NELL1: variants seen among roughly 807,000 people sequenced by gnomAD.
NELL1 encodes the protein neural EGFL like 1, also known as protein kinase C-binding protein NELL1.
Under a neutral mutation model 107.4 loss-of-function variants are expected in NELL1, and 76 were observed. The ratio of observed to expected loss-of-function variants is 0.71; its 90% CI spans 0.59 to 0.86. The LOEUF (loss-of-function observed/expected upper bound fraction) is 0.86. Among genes scored for constraint, NELL1 ranks in the 40% least tolerant of loss-of-function variants. The pLI is 0.00. For missense variants in NELL1, 1,024 were observed against 1,005.5 expected (o/e 1.02, Z -0.25); for synonymous variants, 353 against 341.2 (o/e 1.03, Z -0.38).
rs76788502 is a variant in NELL1, at chr11:20,806,204, C to G, written c.335+22374C>G. On this transcript the variant is annotated intron_variant, in intron 3 of 19. Transcript: ENST00000357134. The stretch of plus-strand genomic sequence containing the variant: ...CAGTTCTGGTGCTTATGAAGTCCCT[C>G]AGTGTTTATCTGGGAAAGCCATTAT... Among the ~76,000 whole-genome samples, 1,240 of 151,190 alleles carry G rather than the reference C, an allele frequency of 8.2e-3. 15 individuals are homozygous for G. The highest frequency in any genetic ancestry group is 0.029 in the African/African-American group (1,177 of 41,096).
rs1237241848 is a variant in NELL1 at position 21,374,877 on chromosome 11, C to CTGTGTGTGTGTGTG, written c.1645+3938_1645+3939insGTGTGTGTGTGTGT. Among the ~76,000 whole-genome samples, 5 of 89,894 alleles carry CTGTGTGTGTGTGTG rather than the reference C, an allele frequency of 5.6e-5. No homozygotes were observed. In the South Asian group the frequency reaches 2.1e-3, roughly 38 times the overall value. 59.0% of individuals were successfully genotyped at this position (89,894 alleles called of 152,430 possible). Reference sequence around the variant, plus strand: ...CAGCTACCAGGCTGTGTGGAACTGACTGTGTGTGTCTGTGTGTGTGTGTGT... The same window carrying CTGTGTGTGTGTGTG: ...CAGCTACCAGGCTGTGTGGAACTGACTGTGTGTGTGTGTGTGTGTGTGTCTGTGTGTGTGTGTGT... On this transcript the variant is annotated intron_variant, in intron 15 of 19. Transcript: ENST00000357134.
intron 14 of NELL1, among the ~76,000 whole-genome samples, chr11:21,254,258 A>G (rs1170733988): frequency 1.3e-5 from 2 of 152,122 alleles, no homozygotes; most frequent in Non-Finnish European, 2.9e-5. Context: ...TATGTTAAGT[A>G]TAAGACTAAT....
chr11:21,403,459 AAAGGTGCTCAAACAACGTTATG>A (rs1852146647), intron 15 of NELL1, among the ~76,000 whole-genome samples: 1 of 151,792 alleles, frequency 6.6e-6, no homozygotes, highest in Non-Finnish European at 1.5e-5. Flanking sequence ...ACAGCTAGAT[AAAGGTGCTCAAACAACGTTATG>A]ACCCTGTCTT....
In NELL1 at chr11:21,326,847, G is replaced by T. The variant is rs950681839; in HGVS notation, c.1550-44006G>T. 9.2e-5 allele frequency among the ~76,000 whole-genome samples: 14 copies of T among 151,644 alleles called. 1 individual carries two copies. The highest frequency in any genetic ancestry group is 3.4e-4 in the African/African-American group (14 of 41,284). On this transcript the variant is annotated intron_variant, in intron 14 of 19. Transcript: ENST00000357134. Reference sequence around the variant, plus strand: ...ACTGAATATCTCTGTCTTATGATTGGATGGTTAATCTATTTGCATTTAATG... The same window carrying T: ...ACTGAATATCTCTGTCTTATGATTGTATGGTTAATCTATTTGCATTTAATG...
At chr11:21,119,752 G>C (rs1249473775) in intron 13 of NELL1, among the ~76,000 whole-genome samples, 1 of 152,054 alleles carries the variant, frequency 6.6e-6, no homozygotes, top group African/African-American at 2.4e-5. Flanking sequence ...GTGTTACAGG[G>C]AGGAGGGGTT....
At position 21,307,355 on chromosome 11, in the gene NELL1, T is replaced by C. The variant is rs137967461; in HGVS notation, c.1550-63498T>C. The stretch of plus-strand genomic sequence containing the variant: ...GTTTGTGTGTGTGTGTGTATGTTTT[T>C]GTACATGTGTATTGATAAGATAAAA... On this transcript the variant is annotated intron_variant, in intron 14 of 19. Transcript: ENST00000357134. Among the ~76,000 whole-genome samples, 44 of 151,998 alleles carry C rather than the reference T, an allele frequency of 2.9e-4. No homozygotes were observed. In the East Asian group the frequency reaches 8.1e-3, roughly 28 times the overall value.
In NELL1 at chr11:20,783,699, T is replaced by C. The variant is rs532651303; in HGVS notation, c.204T>C (p.His68=). The C allele has an allele frequency of 1.2e-4, 197 of 1,613,690 alleles. 4 individuals carry two copies. In the South Asian group the frequency reaches 2.1e-3, roughly 17 times the overall value. ...FLFQDIEREI[H]AAPHVSEKLI... is the part of the protein sequence containing the mutation. Reference sequence around the variant, plus strand: ...TCCTAGACATAGAAAGAGAGATCCATGCAGCTCCTCATGTGAGTGAGAAAT... The same window carrying C: ...TCCTAGACATAGAAAGAGAGATCCACGCAGCTCCTCATGTGAGTGAGAAAT... The change falls in exon 3 of 20, where the codon CAT becomes CAC. Residue 68 remains histidine, a synonymous_variant. Coordinates refer to ENST00000357134, the MANE Select transcript of NELL1 (RefSeq NM_006157.5).
At chr11:21,119,239 C>G (rs912548908) in intron 13 of NELL1, among the ~76,000 whole-genome samples, 1 of 151,922 alleles carries the variant, frequency 6.6e-6, no homozygotes, top group Admixed American at 6.6e-5. Flanking sequence ...CCAAACTAGT[C>G]TTTCCCAATT....
At chr11:20,948,282 G>A (rs965328381) in intron 11 of NELL1, among the ~76,000 whole-genome samples, 4 of 151,788 alleles carry the variant, frequency 2.6e-5, no homozygotes, top group Non-Finnish European at 4.4e-5. Context: ...TGAACTCTTG[G>A]CCTCAAGCAA....
chr11:21,075,642 A>G (rs1854116920), intron 12 of NELL1, among the ~76,000 whole-genome samples: 1 of 152,106 alleles, frequency 6.6e-6, no homozygotes, highest in East Asian at 1.9e-4. Flanking sequence ...ATGGGGTTCC[A>G]TTATGTTTGC....
intron 9 of NELL1, among the ~76,000 whole-genome samples, chr11:20,933,118 C>T (rs1850652003): frequency 1.3e-5 from 2 of 152,162 alleles, no homozygotes; most frequent in South Asian, 4.1e-4. Flanking sequence ...CAAAGATGTG[C>T]TTTTAGAAAG....
chr11:20,695,750 T>C (rs1188390917), intron 2 of NELL1, among the ~76,000 whole-genome samples: 1 of 152,072 alleles, frequency 6.6e-6, no homozygotes, highest in East Asian at 1.9e-4. Context: ...TTTTTCATTG[T>C]GTCTTTGTTT....
chr11:21,568,953 T>C (rs1283518284), intron 17 of NELL1, among the ~76,000 whole-genome samples: 2 of 151,736 alleles, frequency 1.3e-5, no homozygotes, highest in East Asian at 3.9e-4. Context: ...ACCAGTAACC[T>C]AGCCATTTAT....
intron 2 of NELL1, among the ~76,000 whole-genome samples, chr11:20,780,974 T>C (rs1262490753): frequency 6.6e-6 from 1 of 152,104 alleles, no homozygotes; most frequent in Non-Finnish European, 1.5e-5. Context: ...TGGGAAGCCA[T>C]TGGAGGATTT....
chr11:21,505,298 A>C (rs1262258736), intron 15 of NELL1, among the ~76,000 whole-genome samples: 1 of 152,156 alleles, frequency 6.6e-6, no homozygotes, highest in Non-Finnish European at 1.5e-5. Context: ...CTAATCTATA[A>C]ATTTATCAAA....
chr11:20,670,221 G>A (rs1853864870), intron 1 of NELL1, among the ~76,000 whole-genome samples: 1 of 152,050 alleles, frequency 6.6e-6, no homozygotes, highest in South Asian at 2.1e-4. Context: ...AGCGCTTCCG[G>A]CTGGCGGGCG....
chr11:21,151,029 G>A (rs1454609725), intron 13 of NELL1, among the ~76,000 whole-genome samples: 1 of 152,108 alleles, frequency 6.6e-6, no homozygotes, highest in Non-Finnish European at 1.5e-5. Context: ...TCACTATCAT[G>A]AAATCAGCAA....
intron 12 of NELL1, among the ~76,000 whole-genome samples, chr11:20,979,042 A>G (rs1163575874): frequency 6.6e-6 from 1 of 152,192 alleles, no homozygotes; most frequent in Non-Finnish European, 1.5e-5. Flanking sequence ...AAGGGTTTAA[A>G]TTAAAGGATT....
At position 21,175,858 on chromosome 11, in the gene NELL1, C is replaced by T. The variant is rs528616837; in HGVS notation, c.1427-53474C>T. On this transcript the variant is annotated intron_variant, in intron 13 of 19. Coordinates refer to ENST00000357134, the MANE Select transcript of NELL1 (RefSeq NM_006157.5). The stretch of plus-strand genomic sequence containing the variant: ...CAATGAAAAAGTTGAGGCTTTGTGC[C>T]GTCCAATTTTGCCTTACAATGTGGG... Among the ~76,000 whole-genome samples, 16 of 151,906 alleles carry T rather than the reference C, an allele frequency of 1.1e-4. No individual in the cohort carries two copies. In the South Asian group the frequency reaches 2.7e-3, roughly 26 times the overall value.
Sources: allele counts gnomAD v4.1 joint callset (sites outside exome capture counted in the v4.1 genomes callset), GRCh38; gene constraint gnomAD v4.1.1; transcripts MANE v1.5; gene names NCBI Gene and HGNC (gene_info 2026-07-23, HGNC 2026-07-21).